The following TBC1D32 variants were observed in gnomAD, a reference collection of about 807,000 sequenced individuals.
TBC1D32 encodes protein broad-minded.
In TBC1D32, 151 loss-of-function variants were observed where a neutral mutation model predicts 170.3. The ratio of observed to expected loss-of-function variants is 0.89; its 90% CI spans 0.78 to 1.01. TBC1D32 has a LOEUF of 1.01. Among genes scored for constraint, TBC1D32 ranks in the 50% least tolerant of loss-of-function variants. The pLI, the probability that TBC1D32 is intolerant of heterozygous loss-of-function variation, is 0.00. For missense variants in TBC1D32, 1,464 were observed against 1,457.1 expected (o/e 1.00, Z -0.08); for synonymous variants, 498 against 488.0 (o/e 1.02, Z -0.27).
chr6:121,332,406 T>C (rs771276547), intron 1 of TBC1D32, among the ~76,000 whole-genome samples: 30 of 152,220 alleles, frequency 2.0e-4, no homozygotes, highest in Non-Finnish European at 4.0e-4. Context: ...AATAAACTTC[T>C]AGCATAACAG....
In TBC1D32 at chr6:121,304,348, A is replaced by G. The variant is rs1563322420; in HGVS notation, c.935+17T>C. On this transcript the variant is annotated intron_variant, in intron 8 of 31. Coordinates refer to ENST00000398212, the MANE Select transcript of TBC1D32 (RefSeq NM_152730.6). ...ACCGCTAGGTTTTATGCTGGCATAC[A>G]TTGGGAGGGGACTTACTTCTCTGGA... 1.9e-6 allele frequency: 3 copies of G among 1,612,372 alleles called. No individual in the cohort carries two copies. The highest frequency in any genetic ancestry group is 2.5e-6 in the Non-Finnish European group (3 of 1,179,044).
chr6:121,124,299 G>A (rs1046507770), intron 26 of TBC1D32, among the ~76,000 whole-genome samples: 1 of 151,938 alleles, frequency 6.6e-6, no homozygotes, highest in Non-Finnish European at 1.5e-5. Context: ...CCTGGATATG[G>A]TATTCTTGGT....
At chr6:121,153,822 T>A (rs1384568425) in intron 24 of TBC1D32, among the ~76,000 whole-genome samples, 1 of 151,956 alleles carries the variant, frequency 6.6e-6, no homozygotes, top group Non-Finnish European at 1.5e-5. Context: ...CAAGCCTTAA[T>A]AAGGTGGATG....
At chr6:121,096,973 C>G (rs1190882525) in intron 30 of TBC1D32, among the ~76,000 whole-genome samples, 1 of 152,048 alleles carries the variant, frequency 6.6e-6, no homozygotes, top group Admixed American at 6.6e-5. Context: ...ATAAATGGTG[C>G]TGGGAAAACT....
chr6:121,149,210 C>T (rs183807438), intron 24 of TBC1D32, among the ~76,000 whole-genome samples: 1 of 152,158 alleles, frequency 6.6e-6, no homozygotes, highest in African/African-American at 2.4e-5. Flanking sequence ...TGTAGGTTGC[C>T]TGTTCACTCT....
intron 17 of TBC1D32, among the ~76,000 whole-genome samples, chr6:121,253,420 C>A (rs1362550045): frequency 6.6e-6 from 1 of 151,970 alleles, no homozygotes; most frequent in Non-Finnish European, 1.5e-5. Context: ...GAAAAAAAGG[C>A]CGTAATTAAA....
chr6:121,293,666 C>T (rs1036264264), intron 11 of TBC1D32, among the ~76,000 whole-genome samples: 4 of 152,118 alleles, frequency 2.6e-5, no homozygotes, highest in Non-Finnish European at 5.9e-5. Flanking sequence ...AATCCCAGTG[C>T]TTTGGGAGGC....
chr6:121,239,217 T>C, intron 19 of TBC1D32, 29 bp from the exon 20 acceptor site: 1 of 1,287,420 alleles, frequency 7.8e-7, no homozygotes, highest in Non-Finnish European at 1.1e-6. Flanking sequence ...TCAAGTCATT[T>C]ATAGCATAAT....
At chr6:121,114,815 T>C (rs1380955393) in intron 27 of TBC1D32, among the ~76,000 whole-genome samples, 1 of 152,206 alleles carries the variant, frequency 6.6e-6, no homozygotes, top group Non-Finnish European at 1.5e-5. Flanking sequence ...GCATCTGTCC[T>C]TCAGGTACTT....
rs533769132 is a variant in TBC1D32, at chr6:121,098,591, C to A, written c.3465+7432G>T. On this transcript the variant is annotated intron_variant, in intron 30 of 31. Coordinates refer to ENST00000398212, the MANE Select transcript of TBC1D32 (RefSeq NM_152730.6). ...AGACTATTTCTGTTGCACTTCTAGG[C>A]AAAACACTGTGTCAGAAAATCAAGG... 2.6e-4 allele frequency among the ~76,000 whole-genome samples: 39 copies of A among 152,052 alleles called. No homozygotes were observed. The South Asian group carries it at 7.9e-3, about 31-fold the overall frequency.
At chr6:121,299,230 CAT>C (rs1491230981) in intron 10 of TBC1D32, among the ~76,000 whole-genome samples, 1 of 152,122 alleles carries the variant, frequency 6.6e-6, no homozygotes, top group East Asian at 1.9e-4. Flanking sequence ...ATATATAAAA[CAT>C]ATTTTCTAAT....
At chr6:121,300,439 T>G (rs1254967852) in intron 9 of TBC1D32, among the ~76,000 whole-genome samples, 1 of 151,642 alleles carries the variant, frequency 6.6e-6, no homozygotes, top group Non-Finnish European at 1.5e-5. Flanking sequence ...AGAGTGAGAC[T>G]CCATCTCAAA....
At chr6:121,243,878 G>C (rs9375016) in intron 17 of TBC1D32, among the ~76,000 whole-genome samples, 2 of 151,116 alleles carry the variant, frequency 1.3e-5, no homozygotes, top group South Asian at 4.2e-4. Context: ...AAAATATTTA[G>C]AACAGCTTAA....
At chr6:121,197,119 G>A (rs935338540) in intron 22 of TBC1D32, among the ~76,000 whole-genome samples, 1 of 152,166 alleles carries the variant, frequency 6.6e-6, no homozygotes, top group Non-Finnish European at 1.5e-5. Flanking sequence ...GTGTTCACTG[G>A]GGTGACTGAC....
chr6:121,227,489 G>A (rs1795219328), intron 20 of TBC1D32, among the ~76,000 whole-genome samples: 1 of 152,028 alleles, frequency 6.6e-6, no homozygotes. Flanking sequence ...GCATTTATCA[G>A]ATTATGGATT....
At chr6:121,334,670 G>C, upstream of TBC1D32, 1 of 564,708 alleles carries the variant, frequency 1.8e-6, no homozygotes, top group South Asian at 2.1e-5. Flanking sequence ...TTAGTTGCTA[G>C]CCTTCAGTAC....
intron 13 of TBC1D32, among the ~76,000 whole-genome samples, 189 bp downstream of exon 13, chr6:121,283,629 C>A (rs1203175500): frequency 6.6e-6 from 1 of 151,852 alleles, no homozygotes; most frequent in African/African-American, 2.4e-5. Context: ...GTGGAAACAT[C>A]TTAAAACATC....
intron 1 of TBC1D32, among the ~76,000 whole-genome samples, chr6:121,332,139 A>G (rs1389702904): frequency 1.3e-5 from 2 of 152,180 alleles, no homozygotes; most frequent in African/African-American, 4.8e-5. Flanking sequence ...GAGGAACTAC[A>G]ATGACCCAAT....
chr6:121,256,057 G>A (rs367690734), intron 16 of TBC1D32, 27 bp downstream of exon 16: 1 of 1,587,632 alleles, frequency 6.3e-7, no homozygotes, highest in Admixed American at 1.8e-5. Context: ...TTTGCAGGGA[G>A]AAAAAACGAA....
Sources: gnomAD v4.1 joint callset for allele counts (sites outside exome capture counted in the v4.1 genomes callset) on GRCh38, gnomAD v4.1.1 for gene constraint, MANE v1.5 for transcripts, NCBI Gene and HGNC (gene_info 2026-07-23, HGNC 2026-07-21) for gene names.